Variants in SPINK8 observed in about 807,000 individuals in gnomAD.
SPINK8 encodes serine protease inhibitor Kazal-type 8.
Under a neutral mutation model 14.4 loss-of-function variants are expected in SPINK8, and 12 were observed. That is an observed-to-expected ratio of 0.83 (90% CI 0.53 to 1.35). The LOEUF (loss-of-function observed/expected upper bound fraction) is 1.35. SPINK8 is among the 40% of genes most tolerant of loss of function. The probability of loss-of-function intolerance (pLI) is 0.00; values close to 1 mark genes in which losing one functional copy is unlikely to be tolerated. For synonymous variants in SPINK8, 32 were observed against 37.6 expected, an observed-to-expected ratio of 0.85 and a Z score of 0.55; for missense variants, 103 against 117.0, an observed-to-expected ratio of 0.88 and a Z score of 0.55.
At chr3:48,333,244 T>G (rs71323396) in intron 1 of SPINK8, among the ~76,000 whole-genome samples, 34,839 of 152,110 alleles carry the variant, frequency 0.23, 4,576 homozygotes, top group South Asian at 0.3. Flanking sequence ...TTGGAGGGCA[T>G]GTTTCTCCCT....
At chr3:48,307,091 C>T in intron 7 of SPINK8, 88 bp from the exon 8 acceptor site, 3 of 1,245,444 alleles carry the variant, frequency 2.4e-6, no homozygotes, top group Admixed American at 2.0e-5. Context: ...CATAGTTCAG[C>T]AGGGGAAATG....
intron 6 of SPINK8, among the ~76,000 whole-genome samples, chr3:48,313,875 A>G (rs908436538): frequency 1.3e-5 from 2 of 152,254 alleles, no homozygotes; most frequent in African/African-American, 4.8e-5. Flanking sequence ...TAGGTTGTAT[A>G]ATTCCAGTTA....
At chr3:48,316,842 C>T (rs1214961657) in intron 6 of SPINK8, among the ~76,000 whole-genome samples, 1 of 151,904 alleles carries the variant, frequency 6.6e-6, no homozygotes, top group Non-Finnish European at 1.5e-5. Flanking sequence ...TCTATGCCCA[C>T]CAAACTATTC....
chr3:48,324,061 T>G (rs2036109565), intron 4 of SPINK8, among the ~76,000 whole-genome samples: 1 of 152,146 alleles, frequency 6.6e-6, no homozygotes, highest in Non-Finnish European at 1.5e-5. Flanking sequence ...GCATGGAATC[T>G]GTAGATTGAT....
At chr3:48,310,302 T>A (rs1022909776) in intron 6 of SPINK8, among the ~76,000 whole-genome samples, 8 of 152,162 alleles carry the variant, frequency 5.3e-5, no homozygotes, top group African/African-American at 1.7e-4. Context: ...GAGAATACTA[T>A]GAACAATTGT....
At chr3:48,313,997 T>C (rs1402066912) in intron 6 of SPINK8, among the ~76,000 whole-genome samples, 2 of 152,230 alleles carry the variant, frequency 1.3e-5, no homozygotes, top group African/African-American at 4.8e-5. Flanking sequence ...CATGAGGTTT[T>C]ATTCTGGAGT....
intron 5 of SPINK8, among the ~76,000 whole-genome samples, chr3:48,320,645 A>C (rs959775985): frequency 4.6e-5 from 7 of 152,058 alleles, no homozygotes; most frequent in African/African-American, 1.7e-4. Context: ...CAAAGGAAGG[A>C]GATGGAGGAA....
intron 4 of SPINK8, among the ~76,000 whole-genome samples, chr3:48,322,341 T>C (rs1319378961): frequency 6.6e-6 from 1 of 151,690 alleles, no homozygotes; most frequent in Non-Finnish European, 1.5e-5. Flanking sequence ...TGTTTCTTTT[T>C]GTTTTTTTTT....
chr3:48,332,241 T>C (rs1575348784), intron 2 of SPINK8, among the ~76,000 whole-genome samples, 125 bp downstream of exon 2: 3 of 152,344 alleles, frequency 2.0e-5, no homozygotes, highest in Admixed American at 2.0e-4. Context: ...TTTGTCCAGT[T>C]CTGCCTGCTC....
intron 4 of SPINK8, among the ~76,000 whole-genome samples, chr3:48,322,055 A>G (rs2036083514): frequency 6.6e-6 from 1 of 151,998 alleles, no homozygotes; most frequent in Admixed American, 6.6e-5. Flanking sequence ...GGCTTAAGCA[A>G]TTCTCCCACT....
chr3:48,331,668 T>A (rs1394208743), intron 2 of SPINK8, among the ~76,000 whole-genome samples: 1 of 152,208 alleles, frequency 6.6e-6, no homozygotes, highest in East Asian at 1.9e-4. Flanking sequence ...TGCTAGAATG[T>A]CTCTCCCTAA....
chr3:48,320,504 C>T (rs1045968216), intron 5 of SPINK8, among the ~76,000 whole-genome samples: 6 of 151,628 alleles, frequency 4.0e-5, no homozygotes, highest in East Asian at 3.9e-4. Context: ...GCTGAGATCG[C>T]GCCACTGCAC....
At chr3:48,307,084 A>G in intron 7 of SPINK8, 81 bp from the exon 8 acceptor site, 1 of 1,322,482 alleles carries the variant, frequency 7.6e-7, no homozygotes, top group African/African-American at 1.4e-5. Context: ...ACACAACCAT[A>G]GTTCAGCAGG....
intron 2 of SPINK8, among the ~76,000 whole-genome samples, chr3:48,329,624 T>G (rs2036189066): frequency 6.6e-6 from 1 of 152,252 alleles, no homozygotes; most frequent in Non-Finnish European, 1.5e-5. Flanking sequence ...TTGAAGCATC[T>G]GCTTTAGATT....
At chr3:48,327,789 A>G (rs2036166584) in intron 4 of SPINK8, among the ~76,000 whole-genome samples, 2 of 152,330 alleles carry the variant, frequency 1.3e-5, no homozygotes, top group African/African-American at 2.4e-5. Context: ...CGCCGTACCA[A>G]TGGAAAGTAA....
At chr3:48,320,287 C>T (rs1020373723) in intron 5 of SPINK8, among the ~76,000 whole-genome samples, 5 of 151,688 alleles carry the variant, frequency 3.3e-5, no homozygotes, top group East Asian at 2.0e-4. Context: ...TGGCGGCTCA[C>T]GCCTGCACTC....
chr3:48,325,591 ATTTT>A (rs34299222), intron 4 of SPINK8, among the ~76,000 whole-genome samples: 2 of 132,046 alleles, frequency 1.5e-5, no homozygotes. Flanking sequence ...TGCCTGGCTA[ATTTT>A]TTTTTTTTTT....
intron 4 of SPINK8, 120 bp downstream of exon 4, chr3:48,328,155 T>A: frequency 1.3e-6 from 1 of 748,684 alleles, no homozygotes; most frequent in African/African-American, 1.8e-5. Flanking sequence ...TTTCTACATT[T>A]GTAACATGAG....
At chr3:48,317,632 G>C (rs1279204001) in intron 6 of SPINK8, among the ~76,000 whole-genome samples, 2 of 151,006 alleles carry the variant, frequency 1.3e-5, no homozygotes, top group Non-Finnish European at 3.0e-5. Context: ...TCTCCTGCCT[G>C]AGCCTCCTGA....
Sources: allele counts gnomAD v4.1 joint callset (sites outside exome capture counted in the v4.1 genomes callset), GRCh38; gene constraint gnomAD v4.1.1; transcripts MANE v1.5; gene names NCBI Gene and HGNC (gene_info 2026-07-23, HGNC 2026-07-21).